Variants in HAUS6 observed in about 807,000 individuals in gnomAD.
The protein encoded by HAUS6 is HAUS augmin-like complex subunit 6.
In HAUS6, 80 loss-of-function variants were observed where a neutral mutation model predicts 106.8. The ratio of observed to expected loss-of-function variants is 0.75; its 90% confidence interval spans 0.63 to 0.90. The LOEUF is 0.90. HAUS6 is among the 40% of genes least tolerant of loss of function. The pLI, the probability that HAUS6 is intolerant of heterozygous loss-of-function variation, is 0.00. For missense variants in HAUS6, 1,155 were observed against 1,118.1 expected (o/e 1.03, Z -0.47); for synonymous variants, 356 against 379.1 (o/e 0.94, Z 0.71).
intron 11 of HAUS6, among the ~76,000 whole-genome samples, chr9:19,071,297 G>A (rs552093866): frequency 6.6e-6 from 1 of 152,100 alleles, no homozygotes; most frequent in African/African-American, 2.4e-5. Flanking sequence ...CTAGAATGAA[G>A]CCATGAGATA....
intron 12 of HAUS6, among the ~76,000 whole-genome samples, chr9:19,066,724 T>C (rs1030571226): frequency 1.4e-5 from 2 of 146,604 alleles, no homozygotes; most frequent in Admixed American, 7.1e-5. Context: ...CCAGGCAAGG[T>C]GGCTCACGTC....
intron 9 of HAUS6, among the ~76,000 whole-genome samples, chr9:19,078,574 G>A (rs1301639981): frequency 6.6e-6 from 1 of 152,070 alleles, no homozygotes; most frequent in Non-Finnish European, 1.5e-5. Flanking sequence ...GATCACCTGA[G>A]GTCAGGAGTT....
chr9:19,076,079 G>A (rs1461565860), intron 11 of HAUS6, among the ~76,000 whole-genome samples: 1 of 151,806 alleles, frequency 6.6e-6, no homozygotes, highest in African/African-American at 2.4e-5. Context: ...TATTCTGGGG[G>A]CTGGGCTCAG....
At chr9:19,100,346 A>C (rs1817962011) in intron 1 of HAUS6, among the ~76,000 whole-genome samples, 1 of 152,234 alleles carries the variant, frequency 6.6e-6, no homozygotes, top group South Asian at 2.1e-4. Context: ...AGCCTGAGAG[A>C]CAGAGCCAGA....
At chr9:19,073,363 T>C (rs749672501) in intron 11 of HAUS6, among the ~76,000 whole-genome samples, 2 of 151,900 alleles carry the variant, frequency 1.3e-5, no homozygotes, top group African/African-American at 4.8e-5. Flanking sequence ...GAAAAGGTTG[T>C]TTTACCACAA....
intron 8 of HAUS6, among the ~76,000 whole-genome samples, chr9:19,080,901 T>G (rs1588615422): frequency 6.6e-6 from 1 of 151,974 alleles, no homozygotes; most frequent in African/African-American, 2.4e-5. Flanking sequence ...GGAGAAACCC[T>G]GTCTCTACTA....
At chr9:19,097,263 A>T (rs923942539) in intron 1 of HAUS6, among the ~76,000 whole-genome samples, 1 of 152,182 alleles carries the variant, frequency 6.6e-6, no homozygotes, top group Non-Finnish European at 1.5e-5. Context: ...ATCTAATTAA[A>T]CTAAACAGCT....
chr9:19,090,302 T>G (rs538412025), intron 4 of HAUS6, among the ~76,000 whole-genome samples: 1 of 152,188 alleles, frequency 6.6e-6, no homozygotes, highest in African/African-American at 2.4e-5. Context: ...ATATCCGTAA[T>G]AGTGTATTTA....
chr9:19,070,349 T>C (rs780536506), intron 11 of HAUS6, 49 bp from the exon 12 acceptor site: 20 of 1,016,352 alleles, frequency 2.0e-5, no homozygotes, highest in Non-Finnish European at 2.7e-5. Context: ...TTGTACATTC[T>C]AACATTCAAG....
At chr9:19,086,826 A>G (rs773782083) in intron 6 of HAUS6, 44 bp from the exon 7 acceptor site, 1 of 819,734 alleles carries the variant, frequency 1.2e-6, no homozygotes, top group Non-Finnish European at 2.0e-6. Context: ...TAAAAATCAC[A>G]TGGTAATTTA....
intron 10 of HAUS6, among the ~76,000 whole-genome samples, 182 bp downstream of exon 10, chr9:19,077,994 A>G (rs893016969): frequency 6.6e-6 from 1 of 151,966 alleles, no homozygotes; most frequent in African/African-American, 2.4e-5. Context: ...CCGGAAGTTC[A>G]AGGTTACAAC....
At chr9:19,091,229 A>G (rs548338620) in intron 4 of HAUS6, among the ~76,000 whole-genome samples, 1 of 151,818 alleles carries the variant, frequency 6.6e-6, no homozygotes, top group African/African-American at 2.4e-5. Flanking sequence ...GAACCCGGGA[A>G]GTGGATGTTG....
intron 1 of HAUS6, among the ~76,000 whole-genome samples, chr9:19,100,164 C>T (rs531492925): frequency 3.7e-4 from 56 of 151,920 alleles, no homozygotes; most frequent in Non-Finnish European, 6.2e-4. Context: ...ACTGCACTCC[C>T]GCCTGGGCGA....
chr9:19,077,344 G>A (rs1217713927), intron 10 of HAUS6, among the ~76,000 whole-genome samples: 1 of 152,050 alleles, frequency 6.6e-6, no homozygotes, highest in African/African-American at 2.4e-5. Flanking sequence ...AGACCAGCCT[G>A]GCCAACGTGG....
chr9:19,062,957 T>A (rs1234495887), intron 14 of HAUS6, 51 bp downstream of exon 14: 2 of 1,334,342 alleles, frequency 1.5e-6, no homozygotes, highest in African/African-American at 2.9e-5. Context: ...TGGGCCACTG[T>A]GCCCATCCAA....
chr9:19,072,310 C>T (rs1588607383), intron 11 of HAUS6, among the ~76,000 whole-genome samples: 2 of 152,028 alleles, frequency 1.3e-5, no homozygotes, highest in East Asian at 1.9e-4. Context: ...GTCAGTAGTT[C>T]AAGACCAACC....
intron 12 of HAUS6, 149 bp from the exon 13 acceptor site, chr9:19,063,729 G>C (rs746663254): frequency 1.2e-5 from 9 of 766,054 alleles, no homozygotes; most frequent in Non-Finnish European, 2.2e-5. Flanking sequence ...GTTTATTCTA[G>C]GGAGGCATGG....
At chr9:19,070,177 A>G (rs1836856501) in intron 12 of HAUS6, 42 bp downstream of exon 12, 1 of 1,065,624 alleles carries the variant, frequency 9.4e-7, no homozygotes, top group Non-Finnish European at 1.4e-6. Context: ...ATAAAATAAG[A>G]GTTTTTTAAT....
At chr9:19,095,911 T>G (rs1273402134) in intron 2 of HAUS6, among the ~76,000 whole-genome samples, 2 of 152,082 alleles carry the variant, frequency 1.3e-5, no homozygotes, top group Non-Finnish European at 2.9e-5. Flanking sequence ...AATTGATGCT[T>G]TAATATATCA....
Sources: gnomAD v4.1 joint callset for allele counts (sites outside exome capture counted in the v4.1 genomes callset) on GRCh38, gnomAD v4.1.1 for gene constraint, MANE v1.5 for transcripts, NCBI Gene and HGNC (gene_info 2026-07-23, HGNC 2026-07-21) for gene names.